SPTLC3: variants seen among roughly 807,000 people sequenced by gnomAD.
SPTLC3 encodes serine palmitoyltransferase 3.
In SPTLC3, 36 loss-of-function variants were observed where a neutral mutation model predicts 59.3. The observed-to-expected ratio is 0.61, with a 90% CI of 0.47 to 0.80. The LOEUF (loss-of-function observed/expected upper bound fraction) is 0.80, where lower values mean the gene tolerates loss of function less well. Ranked by LOEUF, SPTLC3 falls within the 30% of genes least tolerant of loss-of-function variation. The pLI is 0.00. For missense variants in SPTLC3, 625 were observed against 685.1 expected, an observed-to-expected ratio of 0.91 and a Z score of 0.98; for synonymous variants, 257 against 240.8, an observed-to-expected ratio of 1.07 and a Z score of -0.62.
chr20:13,045,351 C>T (rs559175180), intron 1 of SPTLC3, among the ~76,000 whole-genome samples: 1 of 152,270 alleles, frequency 6.6e-6, no homozygotes, highest in African/African-American at 2.4e-5. Flanking sequence ...AATAACAATG[C>T]TTATCTGCAG....
chr20:13,085,626 G>T (rs735216), intron 4 of SPTLC3, among the ~76,000 whole-genome samples: 34,359 of 152,158 alleles, frequency 0.23, 4,821 homozygotes, highest in Middle Eastern at 0.35. Flanking sequence ...ATTGGTAGTT[G>T]TGAAACAGGC....
intron 1 of SPTLC3, among the ~76,000 whole-genome samples, chr20:13,012,218 A>T (rs1985290891): frequency 6.6e-6 from 1 of 152,112 alleles, no homozygotes; most frequent in African/African-American, 2.4e-5. Context: ...AACCTGCAGG[A>T]TGAAAAAAAA....
chr20:13,087,264 G>A lies in SPTLC3; in HGVS notation c.608-3819G>A, dbSNP rs146054723. ...TTAGTGATGCAATTGTTGTAGATAC[G>A]CTCCTGAGATAGCAGGTTTTGGAAA... On this transcript the variant is annotated intron_variant, in intron 4 of 11. Coordinates refer to ENST00000399002, the MANE Select transcript of SPTLC3 (RefSeq NM_018327.4). 2.9e-3 allele frequency among the ~76,000 whole-genome samples: 438 copies of A among 152,274 alleles called. 1 individual carries two copies. Among genetic ancestry groups the A allele is most frequent in the Non-Finnish European group, 4.8e-3 (328 of 68,016 alleles).
chr20:13,086,867 C>T (rs1989022644), intron 4 of SPTLC3, among the ~76,000 whole-genome samples: 1 of 152,062 alleles, frequency 6.6e-6, no homozygotes, highest in Non-Finnish European at 1.5e-5. Flanking sequence ...GATCATAGCT[C>T]ACTTCAGCCT....
intron 7 of SPTLC3, among the ~76,000 whole-genome samples, chr20:13,116,533 T>C (rs1314927614): frequency 2.0e-5 from 3 of 152,158 alleles, no homozygotes; most frequent in African/African-American, 7.2e-5. Flanking sequence ...TAGACTACAT[T>C]TTTTTCCCTT....
chr20:13,081,093 T>C (rs1203090391), intron 4 of SPTLC3, among the ~76,000 whole-genome samples: 4 of 152,168 alleles, frequency 2.6e-5, no homozygotes, highest in African/African-American at 9.7e-5. Context: ...AGAGTTTATT[T>C]GGGCCGAAGT....
chr20:13,037,573 CAG>C (rs1461841550), intron 1 of SPTLC3, among the ~76,000 whole-genome samples: 1 of 152,122 alleles, frequency 6.6e-6, no homozygotes, highest in African/African-American at 2.4e-5. Flanking sequence ...AGGGCTTGTT[CAG>C]AGTCTGAGGG....
At chr20:13,112,547 G>C (rs751897235) in intron 7 of SPTLC3, among the ~76,000 whole-genome samples, 1 of 152,164 alleles carries the variant, frequency 6.6e-6, no homozygotes, top group African/African-American at 2.4e-5. Flanking sequence ...TATAAGGATG[G>C]GAAGCTTTGC....
At chr20:13,022,651 A>G (rs1283587035) in intron 1 of SPTLC3, among the ~76,000 whole-genome samples, 2 of 152,172 alleles carry the variant, frequency 1.3e-5, no homozygotes, top group African/African-American at 2.4e-5. Context: ...CGATGCAGCC[A>G]TAAACAAGCC....
chr20:13,110,050 A>T, intron 6 of SPTLC3, 62 bp from the exon 7 acceptor site: 4 of 1,403,062 alleles, frequency 2.9e-6, no homozygotes, highest in Middle Eastern at 2.0e-4. Context: ...TGGAAAAAGA[A>T]AGTGGAAAAG....
intron 2 of SPTLC3, among the ~76,000 whole-genome samples, chr20:13,054,210 A>C (rs1987618590): frequency 6.6e-6 from 1 of 152,196 alleles, no homozygotes; most frequent in South Asian, 2.1e-4. Flanking sequence ...TGTGAATGAG[A>C]GTGGGAGTAT....
intron 2 of SPTLC3, among the ~76,000 whole-genome samples, chr20:13,051,457 A>G (rs1269863171): frequency 6.6e-6 from 1 of 152,246 alleles, no homozygotes; most frequent in Non-Finnish European, 1.5e-5. Flanking sequence ...AACAGACCTA[A>G]GAAATGAGAC....
At position 13,090,995 on chromosome 20, in the gene SPTLC3, T is replaced by C. The variant is rs547586176; in HGVS notation, c.608-88T>C. ...TACAAGCACTCTTGTATAGGTCTTT[T>C]GGTGATGTGTACGTACTGGAATTTG... is the stretch of plus-strand genomic sequence containing the variant. On this transcript the variant is annotated intron_variant, in intron 4 of 11. Coordinates refer to ENST00000399002, the MANE Select transcript of SPTLC3 (RefSeq NM_018327.4). 1,639 of 1,540,194 alleles carry C rather than the reference T, an allele frequency of 1.1e-3. 5 individuals are homozygous for C. The highest frequency in any genetic ancestry group is 4.3e-3 in the South Asian group (346 of 81,312).
chr20:13,134,886 G>T (rs959714182), intron 9 of SPTLC3, among the ~76,000 whole-genome samples: 1 of 152,170 alleles, frequency 6.6e-6, no homozygotes, highest in Non-Finnish European at 1.5e-5. Context: ...AAACATCAAC[G>T]CTGCCCTCTC....
intron 1 of SPTLC3, among the ~76,000 whole-genome samples, chr20:13,020,818 G>A (rs564566413): frequency 1.3e-5 from 2 of 152,200 alleles, no homozygotes; most frequent in South Asian, 4.2e-4. Context: ...TATTAGGAAG[G>A]TAACTTTATG....
At chr20:13,077,255 C>T (rs1169720619) in intron 4 of SPTLC3, among the ~76,000 whole-genome samples, 9 of 150,432 alleles carry the variant, frequency 6.0e-5, no homozygotes, top group Non-Finnish European at 1.2e-4. Context: ...GTTACTATTA[C>T]TTTATGTATT....
intron 1 of SPTLC3, among the ~76,000 whole-genome samples, chr20:13,026,888 A>G (rs915920234): frequency 6.6e-6 from 1 of 152,202 alleles, no homozygotes; most frequent in African/African-American, 2.4e-5. Flanking sequence ...GCATCAGGCC[A>G]AAAGCACCGG....
intron 3 of SPTLC3, among the ~76,000 whole-genome samples, chr20:13,072,738 T>C (rs567943465): frequency 1.1e-4 from 16 of 152,340 alleles, no homozygotes; most frequent in Non-Finnish European, 1.5e-4. Flanking sequence ...GTGATGACCA[T>C]GGTTCTTGTT....
intron 1 of SPTLC3, among the ~76,000 whole-genome samples, chr20:13,035,523 T>G (rs1986694615): frequency 1.3e-5 from 2 of 152,296 alleles, no homozygotes; most frequent in South Asian, 4.1e-4. Context: ...TTACACCAGG[T>G]GCCTTCCGAA....
Sources: allele counts gnomAD v4.1 joint callset (sites outside exome capture counted in the v4.1 genomes callset), GRCh38; gene constraint gnomAD v4.1.1; transcripts MANE v1.5; gene names NCBI Gene and HGNC (gene_info 2026-07-23, HGNC 2026-07-21).